CSMD2: variants seen among roughly 807,000 people sequenced by gnomAD.
CSMD2 encodes CUB and sushi domain-containing protein 2.
Under a neutral mutation model 398.5 loss-of-function variants are expected in CSMD2, and 130 were observed. That is an observed-to-expected ratio of 0.33 (90% CI 0.28 to 0.38). The LOEUF (loss-of-function observed/expected upper bound fraction) is 0.38. Ranked by LOEUF, CSMD2 falls within the 10% of genes least tolerant of loss-of-function variation. The pLI, the probability that CSMD2 is intolerant of heterozygous loss-of-function variation, is 1.00. For synonymous variants in CSMD2, 1,828 were observed against 1,908.5 expected (o/e 0.96, Z 1.10); for missense variants, 3,829 against 4,764.9 (o/e 0.80, Z 5.78).
chr1:33,907,272 C>T (rs925169743), intron 5 of CSMD2, among the ~76,000 whole-genome samples: 2 of 151,624 alleles, frequency 1.3e-5, no homozygotes, highest in African/African-American at 4.8e-5. Context: ...GCGTCTGCCA[C>T]CACGCCCAGC....
At chr1:33,520,324 T>C (rs1338111555) in intron 68 of CSMD2, among the ~76,000 whole-genome samples, 1 of 152,194 alleles carries the variant, frequency 6.6e-6, no homozygotes, top group Non-Finnish European at 1.5e-5. Context: ...CAACAAAATA[T>C]AAGACAGATG....
intron 56 of CSMD2, among the ~76,000 whole-genome samples, chr1:33,546,546 A>G (rs183893072): frequency 2.1e-4 from 32 of 152,244 alleles, no homozygotes; most frequent in African/African-American, 5.1e-4. Flanking sequence ...TCTTCTCTAC[A>G]AACACCTGCT....
In CSMD2 at chr1:33,739,152, G is replaced by C; in HGVS notation, c.2356C>G (p.Leu786Val). ...TGCAGGCTCGTACCTTCACACCGCAGCACAGCGCTGTTCCAGACCACGCTG... is the reference window on the plus strand; with the variant it reads ...TGCAGGCTCGTACCTTCACACCGCACCACAGCGCTGTTCCAGACCACGCTG... ...EGSVVWNSAV[L>V]RCEAPCGGHL... Residue 786 changes from leucine (L) to valine (V), a missense_variant, in exon 15 of 71, where the codon CTG becomes GTG. By Grantham distance (32) the Leu-to-Val change is conservative. This residue lies in a region of CSMD2 where 2,001 missense variants were observed against 2,567.1 expected (regional missense o/e 0.78). Coordinates refer to ENST00000373381, the MANE Select transcript of CSMD2 (RefSeq NM_001281956.2). 24 of 1,613,122 alleles carry C rather than the reference G, an allele frequency of 1.5e-5. No individual in the cohort carries two copies. The highest frequency in any genetic ancestry group is 2.0e-5 in the Non-Finnish European group (24 of 1,179,598).
chr1:33,570,333 A>T lies in CSMD2; in HGVS notation c.7958-786T>A, dbSNP rs995593615. On this transcript the variant is annotated intron_variant, in intron 51 of 70. Coordinates refer to ENST00000373381, the MANE Select transcript of CSMD2 (RefSeq NM_001281956.2). ...CAGGTGGGCACCACCATGCTGGCTA[A>T]TTTTTTTTTTTTTTTTTTTTAGTAG... 2.8e-5 allele frequency among the ~76,000 whole-genome samples: 4 copies of T among 140,682 alleles called. No individual in the cohort carries two copies. The East Asian group carries it at 8.5e-4, about 30-fold the overall frequency. 92.3% of individuals were successfully genotyped at this position (140,682 alleles called of 152,430 possible).
In CSMD2 at chr1:33,998,368, A is replaced by G. The variant is rs150018288; in HGVS notation, c.517+34226T>C. ...TCAGCCTCCATTCCTTTTTAAATAA[A>G]TTTCCCAGTTTCAGGTACTCTGTTA... On this transcript the variant is annotated intron_variant, in intron 3 of 70. Coordinates refer to ENST00000373381, the MANE Select transcript of CSMD2 (RefSeq NM_001281956.2). 1.7e-3 allele frequency among the ~76,000 whole-genome samples: 257 copies of G among 152,262 alleles called. 1 individual carries two copies. Among genetic ancestry groups the G allele is most frequent in the African/African-American group, 6.0e-3 (248 of 41,526 alleles).
chr1:33,673,629 C>T (rs558836785), intron 25 of CSMD2, among the ~76,000 whole-genome samples: 6 of 152,046 alleles, frequency 3.9e-5, no homozygotes, highest in African/African-American at 7.3e-5. Flanking sequence ...AGATACTCCT[C>T]GAGAAGAGCA....
intron 3 of CSMD2, among the ~76,000 whole-genome samples, chr1:34,028,921 ACACT>A (rs1325316859): frequency 3.3e-5 from 5 of 152,122 alleles, no homozygotes; most frequent in Admixed American, 3.3e-4. Flanking sequence ...CCGTGGGCTG[ACACT>A]CATCACCTGA....
chr1:34,107,203 T>C (rs1660605805), intron 1 of CSMD2, among the ~76,000 whole-genome samples: 1 of 152,190 alleles, frequency 6.6e-6, no homozygotes, highest in African/African-American at 2.4e-5. Flanking sequence ...GAGCTATGGC[T>C]TTGGTCCACG....
rs534673328 is a variant in CSMD2 at position 33,579,068 on chromosome 1, G to A, written c.7388-1584C>T. Among the ~76,000 whole-genome samples the A allele has an allele frequency of 2.0e-5, 3 of 152,334 alleles. No individual in the cohort carries two copies. The South Asian group carries it at 6.2e-4, about 32-fold the overall frequency. On this transcript the variant is annotated intron_variant, in intron 48 of 70. Transcript: ENST00000373381. ...TATTAAGTACTAATTGTTGCGCCATGTAATTAACTCACTTTCTACGTGGCA... is the reference window on the plus strand; with the variant it reads ...TATTAAGTACTAATTGTTGCGCCATATAATTAACTCACTTTCTACGTGGCA...
At position 34,057,503 on chromosome 1, in the gene CSMD2, C is replaced by G. The variant is rs746441596; in HGVS notation, c.405-24797G>C. ...TCCCCTCCTAGCAACACTACAGCACCTTACACTGATTGGTGTCTCAGTCCC... is the reference window on the plus strand; with the variant it reads ...TCCCCTCCTAGCAACACTACAGCACGTTACACTGATTGGTGTCTCAGTCCC... On this transcript the variant is annotated intron_variant, in intron 2 of 70. Transcript: ENST00000373381. 2.8e-4 allele frequency among the ~76,000 whole-genome samples: 43 copies of G among 152,184 alleles called. 1 individual carries two copies. Among genetic ancestry groups the G allele is most frequent in the Non-Finnish European group, 5.6e-4 (38 of 68,042 alleles).
intron 41 of CSMD2, among the ~76,000 whole-genome samples, chr1:33,608,892 G>C (rs2148829051): frequency 6.6e-6 from 1 of 152,288 alleles, no homozygotes; most frequent in Admixed American, 6.5e-5. Flanking sequence ...TCTTATGGCA[G>C]CCCTAACAAA....
chr1:33,565,608 C>T (rs1658987706), intron 53 of CSMD2, among the ~76,000 whole-genome samples: 4 of 151,966 alleles, frequency 2.6e-5, no homozygotes, highest in South Asian at 2.1e-4. Context: ...GAATAGAAGA[C>T]ATCAACCTAA....
chr1:33,535,696 A>G (rs10429856), intron 62 of CSMD2, among the ~76,000 whole-genome samples: 25,376 of 152,104 alleles, frequency 0.17, 2,653 homozygotes, highest in East Asian at 0.35. Context: ...ACATTTCCTT[A>G]TCCTCCCTCA....
chr1:33,690,318 G>A (rs1645194676), intron 25 of CSMD2, among the ~76,000 whole-genome samples: 1 of 152,018 alleles, frequency 6.6e-6, no homozygotes, highest in South Asian at 2.1e-4. Context: ...TTCCTCCTTG[G>A]CTACCTGGCA....
intron 1 of CSMD2, among the ~76,000 whole-genome samples, chr1:34,130,392 A>AAAAAG (rs2148495721): frequency 6.7e-6 from 1 of 148,794 alleles, no homozygotes; most frequent in East Asian, 2.0e-4. Context: ...CTGGAGGCAA[A>AAAAAG]AAAAAAAAAA....
Position 33,919,154 on chromosome 1 carries a change from G to A in CSMD2, c.713-853C>T, listed in dbSNP as rs117374539. ...CTAAGGTCGTGTGGAGGGTGGGAGAGGACTTATTTGAGAGATATTTAGGAA... is the reference window on the plus strand; with the variant it reads ...CTAAGGTCGTGTGGAGGGTGGGAGAAGACTTATTTGAGAGATATTTAGGAA... On this transcript the variant is annotated intron_variant, in intron 4 of 70. Coordinates refer to ENST00000373381, the MANE Select transcript of CSMD2 (RefSeq NM_001281956.2). Among the ~76,000 whole-genome samples the A allele has an allele frequency of 2.8e-4, 42 of 152,254 alleles. No individual in the cohort carries two copies. In the East Asian group the frequency reaches 7.0e-3, roughly 25 times the overall value.
chr1:34,159,338 C>CCTCCT (rs56893007), intron 1 of CSMD2, among the ~76,000 whole-genome samples: 1 of 142,816 alleles, frequency 7.0e-6, no homozygotes, highest in African/African-American at 2.7e-5. Context: ...GCCCCCCCCC[C>CCTCCT]ACCCAGGAGC....
At chr1:34,057,101 T>G (rs1211279206) in intron 2 of CSMD2, among the ~76,000 whole-genome samples, 1 of 152,102 alleles carries the variant, frequency 6.6e-6, no homozygotes, top group African/African-American at 2.4e-5. Context: ...CCACTCCCAG[T>G]GACACCTGAG....
chr1:33,751,207 GA>G (rs551029604), intron 13 of CSMD2, among the ~76,000 whole-genome samples: 351 of 143,926 alleles, frequency 2.4e-3, no homozygotes, highest in African/African-American at 5.0e-3. Flanking sequence ...ATTGAGTTGG[GA>G]AAAAAAAAAA....
Sources: allele counts gnomAD v4.1 joint callset (sites outside exome capture counted in the v4.1 genomes callset), GRCh38; gene constraint gnomAD v4.1.1; regional missense constraint gnomAD v4.1.1; transcripts MANE v1.5; gene names NCBI Gene and HGNC (gene_info 2026-07-23, HGNC 2026-07-21).